Variants in PARP4 observed in about 807,000 individuals in gnomAD.
PARP4 encodes poly(ADP-ribose) polymerase family member 4.
A neutral mutation model predicts 187.7 loss-of-function variants in PARP4; 120 were observed. The ratio of observed to expected loss-of-function variants is 0.64; its 90% confidence interval spans 0.55 to 0.74. PARP4 has a LOEUF of 0.74. Among genes scored for constraint, PARP4 ranks in the 30% least tolerant of loss-of-function variants. PARP4 has a pLI of 0.00. For missense variants in PARP4, 1,836 were observed against 2,070.5 expected (o/e 0.89, Z 2.20); for synonymous variants, 654 against 740.9 (o/e 0.88, Z 1.90).
At chr13:24,441,044 G>A (rs1391587124) in intron 30 of PARP4, among the ~76,000 whole-genome samples, 1 of 152,036 alleles carries the variant, frequency 6.6e-6, no homozygotes, top group African/African-American at 2.4e-5. Context: ...GCTAATTTTT[G>A]TATTTTTTTG....
chr13:24,505,579 A>C (rs1260785834), intron 1 of PARP4, among the ~76,000 whole-genome samples: 1 of 152,180 alleles, frequency 6.6e-6, no homozygotes, highest in Non-Finnish European at 1.5e-5. Flanking sequence ...AAGTCTGCAA[A>C]ATAGCGGGCA....
At chr13:24,454,991 C>T (rs750960853) in intron 22 of PARP4, 26 bp downstream of exon 22, 3 of 1,535,552 alleles carry the variant, frequency 2.0e-6, no homozygotes, top group Non-Finnish European at 2.7e-6. Context: ...GAAGCACACG[C>T]AGGACCAGGG....
At chr13:24,441,110 T>C (rs4770680) in intron 30 of PARP4, among the ~76,000 whole-genome samples, 60,342 of 151,830 alleles carry the variant, frequency 0.4, 12,233 homozygotes, top group African/African-American at 0.46. Context: ...TGGGCTCAAG[T>C]CGTCTGCTGC....
chr13:24,511,279 A>C (rs1450016130), intron 1 of PARP4, among the ~76,000 whole-genome samples: 1 of 152,144 alleles, frequency 6.6e-6, no homozygotes, highest in Non-Finnish European at 1.5e-5. Context: ...CCTAACCGAC[A>C]TGCGCCACTA....
In PARP4 at chr13:24,442,570, G is replaced by C; in HGVS notation, c.3543+20C>G. On this transcript the variant is annotated intron_variant, in intron 29 of 33. Transcript: ENST00000381989. ...AATACAAATAAAATAATTTAACCTC[G>C]AATTACCAATAATACATACCCTTTT... 2.8e-6 allele frequency: 3 copies of C among 1,066,022 alleles called. No homozygotes were observed. The highest frequency in any genetic ancestry group is 2.7e-6 in the Non-Finnish European group (2 of 740,720). The allele number at this position is 1,066,022 out of a possible 1,614,324, so 66.0% of individuals were successfully genotyped here. A position where few individuals can be genotyped will look rare whatever the true frequency, so the allele number is the denominator to read the frequency against.
chr13:24,490,269 C>T (rs896341768), intron 10 of PARP4, among the ~76,000 whole-genome samples: 36 of 152,192 alleles, frequency 2.4e-4, no homozygotes, highest in African/African-American at 5.5e-4. Flanking sequence ...TATTTAGGAA[C>T]GTGTTTTCCA....
rs1159272719 is a variant in PARP4 at position 24,501,756 on chromosome 13, T to C, written c.211A>G (p.Ile71Val). ...LNSIQKNHVHIANPDFIWKSI... is the reference protein window; with the variant it reads ...LNSIQKNHVHVANPDFIWKSI... ...TTCCATATAAAATCTGGGTTTGCAATATGAACGTGGTTCTTTTGGATAGAA... is the reference window on the plus strand; with the variant it reads ...TTCCATATAAAATCTGGGTTTGCAACATGAACGTGGTTCTTTTGGATAGAA... The change falls in exon 3 of 34, where the codon ATT becomes GTT. Residue 71 changes from isoleucine to valine, a missense_variant. Ile to Val is a conservative substitution (Grantham distance 29, BLOSUM62 3). Around this residue, in one of 8 missense-constraint regions of PARP4, gnomAD observed 1,147 missense variants for 1,214.2 expected, o/e 0.94. Coordinates refer to ENST00000381989, the MANE Select transcript of PARP4 (RefSeq NM_006437.4). 6.2e-7 allele frequency: 1 copy of C among 1,612,342 alleles called. No homozygotes were observed. Among genetic ancestry groups the C allele is most frequent in the Non-Finnish European group, 8.5e-7 (1 of 1,178,472 alleles).
At chr13:24,429,887 T>C (rs1391846809) in intron 32 of PARP4, among the ~76,000 whole-genome samples, 1 of 152,192 alleles carries the variant, frequency 6.6e-6, no homozygotes, top group Non-Finnish European at 1.5e-5. Context: ...TCCAACCCCA[T>C]GTCCTCATCC....
chr13:24,494,592 G>A lies in PARP4; in HGVS notation c.722C>T (p.Ala241Val). 7 of 1,608,236 alleles carry A rather than the reference G, an allele frequency of 4.4e-6. No individual in the cohort carries two copies. The highest frequency in any genetic ancestry group is 5.9e-6 in the Non-Finnish European group (7 of 1,178,064). ...TCTCACTGCTTGCAATTGTTCAGATGCTAATTGGGTTGCTTCAGGTGTGAA... is the reference window on the plus strand; with the variant it reads ...TCTCACTGCTTGCAATTGTTCAGATACTAATTGGGTTGCTTCAGGTGTGAA... ...EHFTPEATQLASEQLQALLLE... is the reference protein window; with the variant it reads ...EHFTPEATQLVSEQLQALLLE... Residue 241 changes from alanine to valine, a missense_variant, in exon 7 of 34, where the codon GCA (alanine) becomes GTA (valine). Transcript: ENST00000381989.
intron 12 of PARP4, among the ~76,000 whole-genome samples, chr13:24,479,780 C>A (rs181487943): frequency 1.3e-5 from 2 of 152,366 alleles, no homozygotes; most frequent in East Asian, 3.9e-4. Flanking sequence ...GCAACCCGCT[C>A]TGGTCCTCTT....
At chr13:24,468,333 C>T (rs546483831) in intron 17 of PARP4, among the ~76,000 whole-genome samples, 34 of 152,250 alleles carry the variant, frequency 2.2e-4, no homozygotes, top group Non-Finnish European at 4.1e-4. Flanking sequence ...GAAATGCCTC[C>T]CTGCTTTATG....
chr13:24,465,512 A>T (rs186833144), intron 17 of PARP4, among the ~76,000 whole-genome samples: 8 of 152,268 alleles, frequency 5.3e-5, no homozygotes, highest in Non-Finnish European at 1.0e-4. Flanking sequence ...TCACAAACTA[A>T]CACAGGAACA....
intron 20 of PARP4, among the ~76,000 whole-genome samples, chr13:24,456,935 CAA>C (rs1871890502): frequency 1.3e-5 from 2 of 151,678 alleles, no homozygotes; most frequent in South Asian, 2.1e-4. Flanking sequence ...ACAAAAAAAA[CAA>C]AATAACAAAA....
intron 14 of PARP4, among the ~76,000 whole-genome samples, chr13:24,477,292 C>G (rs1007282095): frequency 2.0e-5 from 3 of 151,830 alleles, no homozygotes; most frequent in African/African-American, 7.3e-5. Context: ...CCAGCCTAAG[C>G]AACATAGTGA....
chr13:24,452,207 G>A, intron 24 of PARP4, 199 bp downstream of exon 24: 5 of 516,316 alleles, frequency 9.7e-6, no homozygotes, highest in Non-Finnish European at 1.7e-5. Flanking sequence ...ACTTGCTCAA[G>A]GTCACGGCTA....
intron 10 of PARP4, among the ~76,000 whole-genome samples, chr13:24,490,433 C>G (rs979375086): frequency 6.6e-6 from 1 of 152,086 alleles, no homozygotes; most frequent in African/African-American, 2.4e-5. Flanking sequence ...TAAATTTAAC[C>G]CTCAACAAGA....
chr13:24,503,510 A>G lies in PARP4; in HGVS notation c.132+135T>C, dbSNP rs944334969. 5.8e-6 allele frequency: 6 copies of G among 1,037,048 alleles called. No homozygotes were observed. In the African/African-American group the frequency reaches 9.5e-5, roughly 16 times the overall value. The allele number at this position is 1,037,048 out of a possible 1,614,324, so 64.2% of individuals were successfully genotyped here. A position where few individuals can be genotyped will look rare whatever the true frequency, so the allele number is the denominator to read the frequency against. On this transcript the variant is annotated intron_variant, in intron 2 of 33. Coordinates refer to ENST00000381989, the MANE Select transcript of PARP4 (RefSeq NM_006437.4). ...GCCCAGCCTCCCAATGGGCCATGTCAGTCTCTCCTGATGAACTTCGAGTAG... is the reference window on the plus strand; with the variant it reads ...GCCCAGCCTCCCAATGGGCCATGTCGGTCTCTCCTGATGAACTTCGAGTAG...
At chr13:24,448,910 G>A (rs987577232) in intron 25 of PARP4, among the ~76,000 whole-genome samples, 1 of 152,216 alleles carries the variant, frequency 6.6e-6, no homozygotes. Flanking sequence ...GAGATACTCA[G>A]AAAAGGCAAA....
chr13:24,443,645 C>G lies in PARP4; in HGVS notation c.3447+5G>C. ...CTAATCATTTTTACAATGAAAAGAA[C>G]AAACCTCATGACTGGTTTCATTTTC... On this transcript the variant is annotated splice_donor_5th_base_variant and intron_variant, in intron 28 of 33. Transcript: ENST00000381989. 1 of 1,586,916 alleles carries G rather than the reference C, an allele frequency of 6.3e-7. No homozygotes were observed. The highest frequency in any genetic ancestry group is 2.2e-5 in the East Asian group (1 of 44,734).
Sources: allele counts gnomAD v4.1 joint callset (sites outside exome capture counted in the v4.1 genomes callset), GRCh38; gene constraint gnomAD v4.1.1; regional missense constraint gnomAD v4.1.1; transcripts MANE v1.5; gene names NCBI Gene and HGNC (gene_info 2026-07-23, HGNC 2026-07-21).